The following CADPS variants were observed in gnomAD, a reference collection of about 807,000 sequenced individuals.
CADPS encodes the protein calcium dependent secretion activator.
CADPS carries 57 observed loss-of-function variants against 167.3 expected under a neutral mutation model. The ratio of observed to expected loss-of-function variants is 0.34; its 90% CI spans 0.28 to 0.42. The LOEUF (loss-of-function observed/expected upper bound fraction) is 0.42, where lower values mean the gene tolerates loss of function less well. CADPS is among the 20% of genes least tolerant of loss of function. CADPS has a pLI of 1.00. For synonymous variants in CADPS, 676 were observed against 635.3 expected, an observed-to-expected ratio of 1.06 and a Z score of -0.96; for missense variants, 1,414 against 1,738.1, an observed-to-expected ratio of 0.81 and a Z score of 3.32.
chr3:62,463,830 A>G (rs1376753456), intron 26 of CADPS, among the ~76,000 whole-genome samples: 3 of 152,318 alleles, frequency 2.0e-5, no homozygotes, highest in South Asian at 2.1e-4. Flanking sequence ...ACCTTTGCCA[A>G]TAAGCTCCAG....
intron 2 of CADPS, among the ~76,000 whole-genome samples, chr3:62,763,410 T>C (rs1184857008): frequency 6.6e-6 from 1 of 152,212 alleles, no homozygotes; most frequent in African/African-American, 2.4e-5. Context: ...CCCATCCCGC[T>C]GGTAACTTTG....
intron 11 of CADPS, among the ~76,000 whole-genome samples, chr3:62,540,931 G>A (rs1272235489): frequency 2.0e-5 from 3 of 152,176 alleles, no homozygotes; most frequent in Admixed American, 2.0e-4. Context: ...CCCAGAGCAA[G>A]CAGTATGAAA....
At chr3:62,708,122 A>T (rs1425944770) in intron 3 of CADPS, among the ~76,000 whole-genome samples, 1 of 151,850 alleles carries the variant, frequency 6.6e-6, no homozygotes, top group East Asian at 1.9e-4. Context: ...GTGAAGTCTC[A>T]CCTGTTACCC....
intron 3 of CADPS, among the ~76,000 whole-genome samples, chr3:62,724,976 G>C (rs949168149): frequency 2.0e-5 from 3 of 152,246 alleles, no homozygotes; most frequent in Non-Finnish European, 4.4e-5. Context: ...TCTGACTGTA[G>C]TGAGAGTGCT....
intron 4 of CADPS, among the ~76,000 whole-genome samples, chr3:62,655,199 A>C (rs1455096284): frequency 2.0e-5 from 3 of 152,214 alleles, no homozygotes; most frequent in Non-Finnish European, 2.9e-5. Context: ...CTTGGGAAGA[A>C]ATAGCATACT....
intron 3 of CADPS, among the ~76,000 whole-genome samples, chr3:62,673,011 C>T (rs538429117): frequency 6.6e-6 from 1 of 152,298 alleles, no homozygotes; most frequent in East Asian, 1.9e-4. Context: ...GCCAAGGTCA[C>T]CTCTTCTAGG....
intron 6 of CADPS, among the ~76,000 whole-genome samples, chr3:62,645,078 T>C (rs1579494899): frequency 6.6e-6 from 1 of 152,186 alleles, no homozygotes; most frequent in Non-Finnish European, 1.5e-5. Context: ...TTCAGAACTA[T>C]GACATACAGG....
chr3:62,833,297 G>A (rs1017896823), intron 1 of CADPS, among the ~76,000 whole-genome samples: 4 of 152,020 alleles, frequency 2.6e-5, no homozygotes, highest in Admixed American at 6.6e-5. Flanking sequence ...ACAGCACACA[G>A]CACCATGCCT....
intron 3 of CADPS, among the ~76,000 whole-genome samples, chr3:62,699,117 C>A (rs941141988): frequency 3.9e-5 from 6 of 151,980 alleles, no homozygotes; most frequent in African/African-American, 1.5e-4. Context: ...CCTCACCCCT[C>A]TCCCACCCTA....
chr3:62,649,437 T>G (rs1026616259), intron 5 of CADPS, among the ~76,000 whole-genome samples: 4 of 151,970 alleles, frequency 2.6e-5, no homozygotes, highest in Non-Finnish European at 4.4e-5. Context: ...ACAAGATTTC[T>G]TATGCCCTTT....
chr3:62,845,076 G>C (rs78194220), intron 1 of CADPS, among the ~76,000 whole-genome samples: 1 of 152,186 alleles, frequency 6.6e-6, no homozygotes, highest in Admixed American at 6.5e-5. Flanking sequence ...ACTGGACACA[G>C]GATGCTATCA....
Position 62,544,528 on chromosome 3 carries a change from C to T in CADPS, c.1966+5375G>A, listed in dbSNP as rs1191753877. ...AGCTGTGAATTACATGAAACAAAGG[C>T]ATTATTTGCCATTTTGTTGTGATGT... On this transcript the variant is annotated intron_variant, in intron 11 of 29. Transcript: ENST00000383710. This position sits in a 1 kb window ranked among gnomAD's most constrained non-coding sequence, Gnocchi z 4.4. Among the ~76,000 whole-genome samples the T allele has an allele frequency of 1.3e-5, 2 of 152,094 alleles. No homozygotes were observed. The highest frequency in any genetic ancestry group is 1.5e-5 in the Non-Finnish European group (1 of 67,968).
At chr3:62,809,321 C>A (rs564506499) in intron 1 of CADPS, among the ~76,000 whole-genome samples, 6 of 152,188 alleles carry the variant, frequency 3.9e-5, no homozygotes, top group Non-Finnish European at 8.8e-5. Flanking sequence ...CTCAAAAATA[C>A]CCACAAGAGC....
At chr3:62,724,759 TTC>T (rs769039531) in intron 3 of CADPS, among the ~76,000 whole-genome samples, 14 of 152,192 alleles carry the variant, frequency 9.2e-5, no homozygotes, top group Non-Finnish European at 1.8e-4. Context: ...CAACTCATAT[TTC>T]TCTGTTGCTC....
intron 3 of CADPS, among the ~76,000 whole-genome samples, chr3:62,677,795 C>T (rs2076558751): frequency 6.6e-6 from 1 of 152,008 alleles, no homozygotes; most frequent in South Asian, 2.1e-4. Context: ...GGGCTAAGAT[C>T]TAAAATAATT....
chr3:62,737,694 T>C (rs1164944071), intron 3 of CADPS, among the ~76,000 whole-genome samples: 2 of 152,170 alleles, frequency 1.3e-5, no homozygotes, highest in Non-Finnish European at 2.9e-5. Context: ...CTGTTTGGTC[T>C]CTGTGCTCCA....
intron 8 of CADPS, among the ~76,000 whole-genome samples, chr3:62,578,557 C>T (rs1186171636): frequency 1.4e-5 from 2 of 139,700 alleles, no homozygotes; most frequent in Admixed American, 8.1e-5. Context: ...TTGCAGTGAG[C>T]CGAGATCATG....
chr3:62,594,606 C>T (rs578201814), intron 6 of CADPS, among the ~76,000 whole-genome samples: 10 of 152,160 alleles, frequency 6.6e-5, no homozygotes, highest in African/African-American at 2.4e-4. Flanking sequence ...CTCTGTTGTC[C>T]AAGCTGGTCT....
At chr3:62,510,897 G>T (rs1439681772) in intron 17 of CADPS, among the ~76,000 whole-genome samples, 1 of 152,126 alleles carries the variant, frequency 6.6e-6, no homozygotes, top group Admixed American at 6.6e-5. Flanking sequence ...GATTAAGATT[G>T]CAATTGAGAC....
Sources: allele counts gnomAD v4.1 joint callset (sites outside exome capture counted in the v4.1 genomes callset), GRCh38; gene constraint gnomAD v4.1.1; non-coding constraint Gnocchi (gnomAD v3.1); transcripts MANE v1.5; gene names NCBI Gene and HGNC (gene_info 2026-07-23, HGNC 2026-07-21).